The following ZNF827 variants were observed in gnomAD, a reference collection of about 807,000 sequenced individuals.
ZNF827 encodes the protein zinc finger protein 827.
In ZNF827, 13 loss-of-function variants were observed where a neutral mutation model predicts 102.4. That is an observed-to-expected ratio of 0.13 (90% CI 0.08 to 0.20). The LOEUF (loss-of-function observed/expected upper bound fraction) is 0.20. Ranked by LOEUF, ZNF827 falls within the 10% of genes least tolerant of loss-of-function variation. The pLI is 1.00. For synonymous variants in ZNF827, 523 were observed against 536.2 expected (o/e 0.98, Z 0.34); for missense variants, 1,103 against 1,344.4 (o/e 0.82, Z 2.81).
chr4:145,855,963 A>C (rs1222376372), intron 5 of ZNF827, among the ~76,000 whole-genome samples: 4 of 152,038 alleles, frequency 2.6e-5, no homozygotes, highest in Non-Finnish European at 5.9e-5. Context: ...CCTGTATCAC[A>C]AAACAGAATC....
intron 1 of ZNF827, among the ~76,000 whole-genome samples, chr4:145,931,098 A>T (rs961481934): frequency 8.5e-5 from 13 of 152,190 alleles, no homozygotes; most frequent in African/African-American, 2.9e-4. Flanking sequence ...TTACAGAGAG[A>T]GGACAGAAAT....
At chr4:145,907,885 T>C (rs1345258773) in intron 1 of ZNF827, among the ~76,000 whole-genome samples, 1 of 152,202 alleles carries the variant, frequency 6.6e-6, no homozygotes, top group African/African-American at 2.4e-5. Flanking sequence ...AATTACAGAA[T>C]GAAAATATGC....
At chr4:145,856,835 C>A (rs559509047) in intron 5 of ZNF827, among the ~76,000 whole-genome samples, 97 of 152,116 alleles carry the variant, frequency 6.4e-4, no homozygotes, top group African/African-American at 2.3e-3. Context: ...TTAATTAATT[C>A]ATTAATTAAT....
intron 5 of ZNF827, among the ~76,000 whole-genome samples, chr4:145,857,311 T>G (rs765911689): frequency 2.0e-5 from 3 of 152,258 alleles, no homozygotes; most frequent in Non-Finnish European, 2.9e-5. Flanking sequence ...TTAAAAATGC[T>G]GAGCTCAAAC....
At position 145,902,865 on chromosome 4, in the gene ZNF827, G is replaced by T; in HGVS notation, c.394C>A (p.Leu132Ile). 1 of 1,614,156 alleles carries T rather than the reference G, an allele frequency of 6.2e-7. No homozygotes were observed. Among genetic ancestry groups the T allele is most frequent in the Non-Finnish European group, 8.5e-7 (1 of 1,180,030 alleles). ...GCCGTGGCTGCAGCATCGAGTTTGA[G>T]GGAACCAGCCTCCAGCAGCCGCCTC... ...NLRRLLEAGS[L>I]KLDAAATANG... The change falls in exon 2 of 15, where the codon CTC becomes ATC. Residue 132 changes from leucine to isoleucine, a missense_variant. This residue lies in a region of ZNF827 where 441 missense variants were observed against 458.6 expected (regional missense o/e 0.96). Coordinates refer to ENST00000508784, the MANE Select transcript of ZNF827 (RefSeq NM_001306215.2). This position sits in a 1 kb window ranked among gnomAD's most constrained non-coding sequence, Gnocchi z 4.3.
At chr4:145,816,112 C>T (rs1742572465) in intron 8 of ZNF827, among the ~76,000 whole-genome samples, 1 of 152,226 alleles carries the variant, frequency 6.6e-6, no homozygotes, top group South Asian at 2.1e-4. Flanking sequence ...TCAACTGATC[C>T]TCCCACCCCA....
intron 11 of ZNF827, among the ~76,000 whole-genome samples, chr4:145,770,357 C>G (rs1736084473): frequency 6.7e-6 from 1 of 149,458 alleles, no homozygotes. Flanking sequence ...TAAAATAGAT[C>G]AGAACATGTG....
At chr4:145,837,028 T>C (rs536634776) in intron 7 of ZNF827, among the ~76,000 whole-genome samples, 105 of 146,342 alleles carry the variant, frequency 7.2e-4, no homozygotes, top group Admixed American at 1.2e-3. Context: ...TCTAGGTAGA[T>C]ACTTTCACTG....
chr4:145,776,277 C>T (rs979926748), intron 9 of ZNF827, among the ~76,000 whole-genome samples: 1 of 151,806 alleles, frequency 6.6e-6, no homozygotes, highest in Admixed American at 6.6e-5. Flanking sequence ...GGCATCACAG[C>T]GAGACTCCAT....
At chr4:145,799,912 C>T (rs576134987) in intron 8 of ZNF827, among the ~76,000 whole-genome samples, 7 of 152,228 alleles carry the variant, frequency 4.6e-5, no homozygotes, top group East Asian at 3.9e-4. Flanking sequence ...GCCTTAGAGC[C>T]GCCACATCAG....
intron 5 of ZNF827, among the ~76,000 whole-genome samples, chr4:145,855,558 G>A (rs190542862): frequency 5.1e-4 from 76 of 149,486 alleles, no homozygotes; most frequent in African/African-American, 1.9e-3. Context: ...GCTGGCATCT[G>A]ATAAAGGCAA....
At chr4:145,919,183 A>C (rs1025954150) in intron 1 of ZNF827, among the ~76,000 whole-genome samples, 5 of 152,060 alleles carry the variant, frequency 3.3e-5, no homozygotes, top group African/African-American at 1.2e-4. Flanking sequence ...GAGACCAGTA[A>C]GTGGAGGCTG....
chr4:145,835,205 T>C (rs985454347), intron 7 of ZNF827: 9 of 152,234 alleles, frequency 5.9e-5, no homozygotes, highest in African/African-American at 1.9e-4. Context: ...CTTCTCGGCT[T>C]AGCGGCTGAA....
chr4:145,765,795 A>G lies in ZNF827; in HGVS notation c.2861-57T>C, dbSNP rs1735197479. The G allele has an allele frequency of 4.5e-6, 7 of 1,550,994 alleles. No individual in the cohort carries two copies. Among genetic ancestry groups the G allele is most frequent in the Non-Finnish European group, 6.1e-6 (7 of 1,138,704 alleles). ...ATGAGATGAAAATCCTCAGAATTAT[A>G]GCAACTGAGGGTGACGAGTTGAGTC... On this transcript the variant is annotated intron_variant, in intron 11 of 14. Transcript: ENST00000508784. This position sits in a 1 kb window ranked among gnomAD's most constrained non-coding sequence, Gnocchi z 4.7.
intron 7 of ZNF827, chr4:145,835,053 C>A (rs1744660019): frequency 6.6e-6 from 1 of 152,222 alleles, no homozygotes. Context: ...CCAAGGAATG[C>A]CCGCAGCCTG....
intron 9 of ZNF827, among the ~76,000 whole-genome samples, chr4:145,778,264 G>C (rs1737403997): frequency 6.6e-6 from 1 of 152,002 alleles, no homozygotes; most frequent in Admixed American, 6.6e-5. Flanking sequence ...CTCCTGAGTA[G>C]CTGGGATTAC....
At chr4:145,901,040 T>G (rs1278249378) in intron 2 of ZNF827, among the ~76,000 whole-genome samples, 1 of 152,226 alleles carries the variant, frequency 6.6e-6, no homozygotes, top group Non-Finnish European at 1.5e-5. Context: ...AGTTTTGAAG[T>G]ACTTATAATT....
intron 1 of ZNF827, among the ~76,000 whole-genome samples, chr4:145,911,199 C>T (rs1380944346): frequency 6.6e-6 from 1 of 152,186 alleles, no homozygotes; most frequent in Non-Finnish European, 1.5e-5. Context: ...AAGAACAACA[C>T]TGCAGGGGAA....
At chr4:145,841,918 TA>T (rs538146718) in intron 7 of ZNF827, among the ~76,000 whole-genome samples, 267 of 142,616 alleles carry the variant, frequency 1.9e-3, no homozygotes, top group African/African-American at 5.7e-3. Flanking sequence ...GTTCTTAGGA[TA>T]AAAAAAAAAA....
Sources: allele counts gnomAD v4.1 joint callset (sites outside exome capture counted in the v4.1 genomes callset), GRCh38; gene constraint gnomAD v4.1.1; regional missense constraint gnomAD v4.1.1; non-coding constraint Gnocchi (gnomAD v3.1); transcripts MANE v1.5; gene names NCBI Gene and HGNC (gene_info 2026-07-23, HGNC 2026-07-21).